Variants in TUSC3 observed in about 807,000 individuals in gnomAD.
TUSC3 encodes tumor suppressor candidate 3.
A neutral mutation model predicts 44.8 loss-of-function variants in TUSC3; 45 were observed. The ratio of observed to expected loss-of-function variants is 1.00; its 90% CI spans 0.79 to 1.29. TUSC3 has a LOEUF of 1.29. Among genes scored for constraint, TUSC3 ranks in the 50% most tolerant of loss-of-function variants. The probability of loss-of-function intolerance (pLI) is 0.00; values close to 1 mark genes in which losing one functional copy is unlikely to be tolerated. For synonymous variants in TUSC3, 212 were observed against 152.9 expected (o/e 1.39, Z -2.85); for missense variants, 519 against 437.9 (o/e 1.19, Z -1.65).
At chr8:15,676,827 C>T (rs1299572537) in intron 6 of TUSC3, among the ~76,000 whole-genome samples, 1 of 152,110 alleles carries the variant, frequency 6.6e-6, no homozygotes, top group East Asian at 1.9e-4. Context: ...GCATATTTTG[C>T]AGCTAAGAAA....
chr8:15,464,976 A>G (rs1206384658), intron 1 of TUSC3, among the ~76,000 whole-genome samples: 3 of 152,042 alleles, frequency 2.0e-5, no homozygotes, highest in African/African-American at 7.2e-5. Flanking sequence ...CAGCCTCCCA[A>G]GTAGGTGGGA....
intron 4 of TUSC3, among the ~76,000 whole-genome samples, chr8:15,660,980 A>T (rs530320310): frequency 6.6e-6 from 1 of 151,498 alleles, no homozygotes; most frequent in Non-Finnish European, 1.5e-5. Flanking sequence ...AAACAGTACA[A>T]ATAATGCCAA....
At chr8:15,636,277 C>G (rs906392903) in intron 2 of TUSC3, among the ~76,000 whole-genome samples, 1 of 152,118 alleles carries the variant, frequency 6.6e-6, no homozygotes, top group African/African-American at 2.4e-5. Flanking sequence ...GAGGGCTCCA[C>G]TGGGCCATTA....
At chr8:15,448,021 G>A (rs956786735) in intron 1 of TUSC3, among the ~76,000 whole-genome samples, 15 of 149,696 alleles carry the variant, frequency 1.0e-4, no homozygotes, top group Non-Finnish European at 3.0e-5. Flanking sequence ...CAATAGCCAG[G>A]CATAATTAGT....
At chr8:15,503,919 G>T (rs1801008382) in intron 2 of TUSC3, among the ~76,000 whole-genome samples, 1 of 150,942 alleles carries the variant, frequency 6.6e-6, no homozygotes, top group Non-Finnish European at 1.5e-5. Context: ...GGAGGCTGAG[G>T]CACAAGAATT....
the TUSC3 span, among the ~76,000 whole-genome samples, chr8:15,813,726 T>C: frequency 6.6e-6 from 1 of 152,194 alleles, no homozygotes; most frequent in Non-Finnish European, 1.5e-5. Flanking sequence ...CTTTACACTC[T>C]TGGGATGGAT....
At chr8:15,451,606 C>G (rs374731650) in intron 1 of TUSC3, among the ~76,000 whole-genome samples, 1 of 152,188 alleles carries the variant, frequency 6.6e-6, no homozygotes, top group Non-Finnish European at 1.5e-5. Flanking sequence ...AAATGCATCT[C>G]TTCCATCTAG....
rs116517653 is a variant in TUSC3 at position 15,708,076 on chromosome 8, A to G, written c.799-22590A>G. ...CTCTCATTGGATTTTGGGCCCTCCT[A>G]AATCCTGAACTAATTAAATCTGTTT... On this transcript the variant is annotated intron_variant, in intron 6 of 10. Coordinates refer to ENST00000503731, the MANE Select transcript of TUSC3 (RefSeq NM_006765.4). 4.0e-3 allele frequency among the ~76,000 whole-genome samples: 613 copies of G among 152,064 alleles called. 4 individuals are homozygous for G. The highest frequency in any genetic ancestry group is 0.014 in the African/African-American group (588 of 41,520).
chr8:15,449,033 A>T (rs747531868), intron 1 of TUSC3, among the ~76,000 whole-genome samples: 1 of 152,194 alleles, frequency 6.6e-6, no homozygotes, highest in Non-Finnish European at 1.5e-5. Flanking sequence ...TACCACTGTT[A>T]ACTGAAGAAT....
At chr8:15,455,779 G>A (rs559486749) in intron 1 of TUSC3, among the ~76,000 whole-genome samples, 17 of 152,218 alleles carry the variant, frequency 1.1e-4, no homozygotes, top group African/African-American at 2.6e-4. Flanking sequence ...AGGTAACTAC[G>A]GGAGATACTT....
the TUSC3 span, among the ~76,000 whole-genome samples, chr8:15,795,019 AATAAC>A: frequency 2.0e-5 from 3 of 152,156 alleles, no homozygotes; most frequent in African/African-American, 7.2e-5. Context: ...ATGCCACTCT[AATAAC>A]TACTGTAATT....
intron 3 of TUSC3, among the ~76,000 whole-genome samples, chr8:15,654,694 G>A (rs964588309): frequency 9.2e-5 from 14 of 152,242 alleles, no homozygotes; most frequent in African/African-American, 3.1e-4. Context: ...CTACTGGGGA[G>A]GCTGAGGCAG....
At chr8:15,564,250 T>C (rs1305357467) in intron 1 of TUSC3, among the ~76,000 whole-genome samples, 1 of 152,156 alleles carries the variant, frequency 6.6e-6, no homozygotes, top group Non-Finnish European at 1.5e-5. Context: ...GAATAGTAGA[T>C]AACTAAGTTT....
At chr8:15,685,422 G>T (rs542259538) in intron 6 of TUSC3, among the ~76,000 whole-genome samples, 13 of 152,126 alleles carry the variant, frequency 8.5e-5, no homozygotes, top group African/African-American at 3.1e-4. Context: ...GAGTGTGATG[G>T]TTTATTTGAT....
intron 2 of TUSC3, among the ~76,000 whole-genome samples, chr8:15,527,302 C>T (rs1194301142): frequency 7.2e-5 from 11 of 152,230 alleles, no homozygotes; most frequent in South Asian, 2.1e-4. Context: ...CTACAACCTC[C>T]GCCTCCCAGG....
intron 2 of TUSC3, among the ~76,000 whole-genome samples, chr8:15,623,890 C>A (rs1396617540): frequency 2.0e-5 from 3 of 152,108 alleles, no homozygotes; most frequent in Non-Finnish European, 1.5e-5. Context: ...GGCATCGATA[C>A]AGACAAATGC....
chr8:15,769,063 G>C (rs1200628782), downstream of TUSC3, among the ~76,000 whole-genome samples: 2 of 151,958 alleles, frequency 1.3e-5, no homozygotes, highest in Non-Finnish European at 2.9e-5. Flanking sequence ...TATAGAATTA[G>C]AAAGAAACTA....
At chr8:15,505,323 G>C (rs1332144015) in intron 2 of TUSC3, among the ~76,000 whole-genome samples, 2 of 152,228 alleles carry the variant, frequency 1.3e-5, no homozygotes, top group Non-Finnish European at 2.9e-5. Context: ...ATGCTGTTCT[G>C]ATGGCCAGAC....
intron 1 of TUSC3, among the ~76,000 whole-genome samples, chr8:15,547,442 A>G (rs1801907794): frequency 6.6e-6 from 1 of 151,650 alleles, no homozygotes. Flanking sequence ...TATTCATATT[A>G]AATACTAAAT....
Sources: gnomAD v4.1 joint callset for allele counts (sites outside exome capture counted in the v4.1 genomes callset) on GRCh38, gnomAD v4.1.1 for gene constraint, MANE v1.5 for transcripts, NCBI Gene and HGNC (gene_info 2026-07-23, HGNC 2026-07-21) for gene names.